Variants in PLSCR2 observed in about 807,000 individuals in gnomAD.
PLSCR2 encodes phospholipid scramblase 2.
PLSCR2 carries 18 observed loss-of-function variants against 25.3 expected under a neutral mutation model. The observed-to-expected ratio is 0.71, with a 90% CI of 0.49 to 1.06. The LOEUF (loss-of-function observed/expected upper bound fraction) is 1.06. Ranked by LOEUF, PLSCR2 falls within the 50% of genes least tolerant of loss-of-function variation. PLSCR2 has a pLI of 0.00. For missense variants in PLSCR2, 243 were observed against 269.5 expected, an observed-to-expected ratio of 0.90 and a Z score of 0.69; for synonymous variants, 88 against 87.3, an observed-to-expected ratio of 1.01 and a Z score of -0.04.
chr3:146,470,479 C>T (rs2042075493), intron 1 of PLSCR2, among the ~76,000 whole-genome samples: 1 of 152,078 alleles, frequency 6.6e-6, no homozygotes, highest in Admixed American at 6.6e-5. Flanking sequence ...ACCCGGAAGG[C>T]AGAGGTTGCA....
At chr3:146,495,185 C>T (rs1300016884) in intron 1 of PLSCR2, among the ~76,000 whole-genome samples, 1 of 152,092 alleles carries the variant, frequency 6.6e-6, no homozygotes, top group East Asian at 1.9e-4. Context: ...AAGTTGGAGG[C>T]TTTGTTACAC....
intron 2 of PLSCR2, among the ~76,000 whole-genome samples, chr3:146,419,109 TTCTC>T (rs1263586784): frequency 6.6e-6 from 1 of 152,096 alleles, no homozygotes; most frequent in Non-Finnish European, 1.5e-5. Flanking sequence ...AAGATTTTTT[TTCTC>T]TCTCTCTTCT....
intron 6 of PLSCR2, 68 bp from the exon 7 acceptor site, chr3:146,441,889 A>G (rs374137543): frequency 2.5e-5 from 24 of 964,580 alleles, no homozygotes; most frequent in Admixed American, 4.0e-5. Flanking sequence ...CAGAAATGCT[A>G]AGGGATCTGA....
chr3:146,405,158 G>A (rs1299055862), intron 2 of PLSCR2, among the ~76,000 whole-genome samples: 1 of 152,064 alleles, frequency 6.6e-6, no homozygotes, highest in Non-Finnish European at 1.5e-5. Context: ...GTTTAGAAAG[G>A]GGAGGGGGGT....
At position 146,454,163 on chromosome 3, in the gene PLSCR2, T is replaced by C. The variant is rs745373256; in HGVS notation, c.322A>G (p.Ile108Val). 1.3e-6 allele frequency: 2 copies of C among 1,574,106 alleles called. No individual in the cohort carries two copies. Among genetic ancestry groups the C allele is most frequent in the Non-Finnish European group, 8.6e-7 (1 of 1,163,336 alleles). Reference sequence around the variant, plus strand: ...ACACCAGGAGGAGCTTGGATTTCTATCTACAAAAGTAAAATATGTGTGAAC... The same window carrying C: ...ACACCAGGAGGAGCTTGGATTTCTACCTACAAAAGTAAAATATGTGTGAAC... The change falls in exon 5 of 7, where the codon ATA becomes GTA. Residue 108 changes from isoleucine to valine, a missense_variant and splice_region_variant. Transcript: ENST00000610787.
At chr3:146,492,764 C>A (rs555332005) in intron 1 of PLSCR2, among the ~76,000 whole-genome samples, 2 of 151,824 alleles carry the variant, frequency 1.3e-5, no homozygotes, top group Non-Finnish European at 2.9e-5. Context: ...AGGAAACCAA[C>A]CCCAAAGCTC....
chr3:146,437,782 GCT>G (rs1280621868), downstream of PLSCR2, among the ~76,000 whole-genome samples: 3 of 151,876 alleles, frequency 2.0e-5, no homozygotes, highest in African/African-American at 7.3e-5. Flanking sequence ...CTTCACTTCT[GCT>G]CTGATCTTAG....
intron 2 of PLSCR2, among the ~76,000 whole-genome samples, chr3:146,396,767 G>A (rs950461302): frequency 2.0e-5 from 3 of 152,134 alleles, no homozygotes; most frequent in Admixed American, 6.6e-5. Flanking sequence ...TCATAACACA[G>A]CCTTGTAAGT....
chr3:146,449,669 A>T (rs534073121), intron 5 of PLSCR2, among the ~76,000 whole-genome samples: 2 of 152,302 alleles, frequency 1.3e-5, no homozygotes, highest in East Asian at 3.9e-4. Context: ...CCCAAACAAA[A>T]TTTAAGCAGA....
rs114598186 is a variant in PLSCR2 at position 146,448,342 on chromosome 3, T to C, written c.645+864A>G. On this transcript the variant is annotated intron_variant, in intron 6 of 6. Transcript: ENST00000610787. ...GTTGAAGCAGCTGGGTCCTTTTTGCTGTATATTATCTGTTAAGGTTTTCTG... is the reference window on the plus strand; with the variant it reads ...GTTGAAGCAGCTGGGTCCTTTTTGCCGTATATTATCTGTTAAGGTTTTCTG... Among the ~76,000 whole-genome samples the C allele has an allele frequency of 5.7e-3, 871 of 152,340 alleles. 9 individuals are homozygous for C. The highest frequency in any genetic ancestry group is 0.02 in the African/African-American group (831 of 41,566).
chr3:146,464,089 A>G, upstream of PLSCR2: 1 of 365,112 alleles, frequency 2.7e-6, no homozygotes, highest in Admixed American at 6.4e-5. Context: ...CTGGTCAGAA[A>G]TCAATGCTGT....
At chr3:146,455,271 T>A (rs1158038955) in exon 4 of PLSCR2, 1 of 1,613,922 alleles carries the variant, frequency 6.2e-7, no homozygotes. Flanking sequence ...CAACAACAGT[T>A]ACATCTTAGT....
In PLSCR2 at chr3:146,455,465, A is replaced by C; in HGVS notation, c.101-6T>G. The C allele has an allele frequency of 6.5e-7, 1 of 1,545,542 alleles. No homozygotes were observed. The highest frequency in any genetic ancestry group is 8.9e-7 in the Non-Finnish European group (1 of 1,119,716). On this transcript the variant is annotated splice_polypyrimidine_tract_variant and splice_region_variant and intron_variant, in intron 3 of 6. Transcript: ENST00000610787. ...ACTTTCAAAACTGAATAGAACTAAA[A>C]ATGAAAATAAAATCAGTTGCCTTTA... is the stretch of plus-strand genomic sequence containing the variant.
upstream of PLSCR2, among the ~76,000 whole-genome samples, chr3:146,462,845 C>A (rs1361405802): frequency 6.6e-6 from 1 of 152,144 alleles, no homozygotes; most frequent in Non-Finnish European, 1.5e-5. Context: ...CGAGCTAAGA[C>A]CCCAAAGGGT....
At chr3:146,441,877 T>A (rs1383129068) in intron 6 of PLSCR2, 56 bp from the exon 7 acceptor site, 3 of 1,101,870 alleles carry the variant, frequency 2.7e-6, no homozygotes, top group Non-Finnish European at 4.1e-6. Flanking sequence ...AGAGATCAGA[T>A]GCAGAAATGC....
At chr3:146,475,267 T>A (rs980012188) in intron 1 of PLSCR2, among the ~76,000 whole-genome samples, 2 of 152,080 alleles carry the variant, frequency 1.3e-5, no homozygotes, top group Non-Finnish European at 2.9e-5. Context: ...TTCTTTCTCA[T>A]CTTCATGAGT....
At chr3:146,472,904 C>G (rs2042164937) in intron 1 of PLSCR2, among the ~76,000 whole-genome samples, 2 of 152,364 alleles carry the variant, frequency 1.3e-5, no homozygotes, top group African/African-American at 4.8e-5. Context: ...GTTGAAGCCT[C>G]TCTGGCTTGC....
chr3:146,483,508 TA>T (rs1553791597), intron 1 of PLSCR2, among the ~76,000 whole-genome samples: 11 of 122,882 alleles, frequency 9.0e-5, no homozygotes, highest in South Asian at 2.6e-4. Flanking sequence ...TATATATATA[TA>T]ATGTTACTAC....
intron 1 of PLSCR2, among the ~76,000 whole-genome samples, chr3:146,472,327 A>G (rs941262819): frequency 2.6e-5 from 4 of 152,254 alleles, no homozygotes; most frequent in African/African-American, 7.2e-5. Context: ...TAATCTATCA[A>G]TTATTCAAAG....
Sources: gnomAD v4.1 joint callset for allele counts (sites outside exome capture counted in the v4.1 genomes callset) on GRCh38, gnomAD v4.1.1 for gene constraint, MANE v1.5 for transcripts, NCBI Gene and HGNC (gene_info 2026-07-23, HGNC 2026-07-21) for gene names.